GNAT2: variants seen among roughly 807,000 people sequenced by gnomAD.
GNAT2 encodes the protein G protein subunit alpha transducin 2, also known as guanine nucleotide-binding protein G(t) subunit alpha-2.
Under a neutral mutation model 40.9 loss-of-function variants are expected in GNAT2, and 32 were observed. The observed-to-expected ratio is 0.78, with a 90% CI of 0.59 to 1.05. The LOEUF (loss-of-function observed/expected upper bound fraction) is 1.05, where lower values mean the gene tolerates loss of function less well. GNAT2 is among the 50% of genes least tolerant of loss of function. The pLI is 0.00. For synonymous variants in GNAT2, 141 were observed against 157.2 expected (o/e 0.90, Z 0.77); for missense variants, 355 against 431.5 (o/e 0.82, Z 1.57).
intron 4 of GNAT2, 23 bp downstream of exon 4, chr1:109,610,017 A>AC (rs760599285): frequency 9.7e-5 from 157 of 1,612,396 alleles, no homozygotes; most frequent in Non-Finnish European, 1.3e-4. Flanking sequence ...TCCACCCTTA[A>AC]CCACATAATA....
chr1:109,606,447 G>C lies in GNAT2; in HGVS notation c.462-11C>G. The C allele has an allele frequency of 3.1e-6, 5 of 1,612,202 alleles. No individual in the cohort carries two copies. Among genetic ancestry groups the C allele is most frequent in the Non-Finnish European group, 4.2e-6 (5 of 1,178,282 alleles). Reference sequence around the variant, plus strand: ...AATTGGTTCAGGTAGCTAGAGAAAAGTGATTAGCATCAATGACAAATTTTC... The same window carrying C: ...AATTGGTTCAGGTAGCTAGAGAAAACTGATTAGCATCAATGACAAATTTTC... On this transcript the variant is annotated splice_polypyrimidine_tract_variant and intron_variant, in intron 5 of 8. Coordinates refer to ENST00000679935, the MANE Select transcript of GNAT2 (RefSeq NM_001377295.2).
chr1:109,618,313 C>T (rs899883064), intron 1 of GNAT2: 1 of 152,210 alleles, frequency 6.6e-6, no homozygotes, highest in African/African-American at 2.4e-5. Flanking sequence ...TTAAACATTT[C>T]TCCAAGAACA....
chr1:109,604,304 C>T, intron 7 of GNAT2, 200 bp from the exon 8 acceptor site: 1 of 592,618 alleles, frequency 1.7e-6, no homozygotes, highest in Non-Finnish European at 3.0e-6. Flanking sequence ...AGCTGTGTGA[C>T]TTGTGGAAAA....
intron 5 of GNAT2, 153 bp downstream of exon 5, chr1:109,608,478 C>A: frequency 1.3e-6 from 1 of 748,970 alleles, no homozygotes; most frequent in South Asian, 1.4e-5. Flanking sequence ...ATTGCTGAAG[C>A]CTAACAAAAC....
intron 8 of GNAT2, 31 bp downstream of exon 8, chr1:109,603,920 A>T: frequency 1.4e-6 from 2 of 1,481,298 alleles, no homozygotes; most frequent in Non-Finnish European, 1.9e-6. Flanking sequence ...ACTAAAAGGC[A>T]TTATTATTAT....
chr1:109,612,978 G>T, intron 1 of GNAT2, 55 bp from the exon 2 acceptor site: 1 of 801,864 alleles, frequency 1.2e-6, no homozygotes, highest in Non-Finnish European at 2.2e-6. Flanking sequence ...TCCCAACTTG[G>T]CTCCCCTAAA....
At chr1:109,610,609 T>C (rs1649767229) in intron 2 of GNAT2, 102 bp from the exon 3 acceptor site, 3 of 930,722 alleles carry the variant, frequency 3.2e-6, no homozygotes, top group Non-Finnish European at 5.2e-6. Context: ...TTGGGGGTCT[T>C]GTTAGGGGAG....
At chr1:109,606,958 A>C (rs773288543) in intron 5 of GNAT2, 12 of 164,248 alleles carry the variant, frequency 7.3e-5, no homozygotes, top group Non-Finnish European at 1.6e-4. Flanking sequence ...AAAAAGGGTC[A>C]ATATTTTAGA....
At chr1:109,613,956 A>C (rs541166426) in intron 1 of GNAT2, 1 of 152,248 alleles carries the variant, frequency 6.6e-6, no homozygotes, top group Admixed American at 6.5e-5. Flanking sequence ...TCCTGGGGGA[A>C]AAATGAGGGT....
intron 1 of GNAT2, 67 bp from the exon 2 acceptor site, chr1:109,612,990 G>T: frequency 1.3e-6 from 1 of 773,032 alleles, no homozygotes; most frequent in Non-Finnish European, 2.3e-6. Context: ...TCCCCTAAAA[G>T]CTGGTCTGTA....
At chr1:109,612,297 C>A in intron 2 of GNAT2, 1 of 212,840 alleles carries the variant, frequency 4.7e-6, no homozygotes, top group Non-Finnish European at 9.7e-6. Context: ...TGGCAAAAAC[C>A]AGTGGGACTA....
Position 109,608,652 on chromosome 1 carries a change from T to A in GNAT2, c.440A>T (p.Gln147Leu). 1.9e-6 allele frequency: 3 copies of A among 1,614,098 alleles called. No individual in the cohort carries two copies. The highest frequency in any genetic ancestry group is 2.7e-5 in the African/African-American group (2 of 75,046). Residue 147 changes from glutamine to leucine, a missense_variant, in exon 5 of 9, where the codon CAG becomes CTG. Gln to Leu is a moderately radical substitution (Grantham distance 113). Coordinates refer to ENST00000679935, the MANE Select transcript of GNAT2 (RefSeq NM_001377295.2). The stretch of plus-strand genomic sequence containing the variant: ...TTACTAAGATGCGGAGTCATTAAGC[T>A]GGTATTCTGCAGCTCTCTCGAAGCA... The part of the protein sequence containing the change: ...QACFERAAEY[Q>L]LNDSASYYLN...
rs979958186 is a variant in GNAT2, at chr1:109,613,048, A to G, written c.-53-125T>C. 1.0e-5 allele frequency: 7 copies of G among 696,190 alleles called. No homozygotes were observed. In the African/African-American group the frequency reaches 1.1e-4, roughly 10 times the overall value. The allele number at this position is 696,190 out of a possible 1,614,324, so 43.1% of individuals were successfully genotyped here. ...CTGTAGGGTCTTGTACTCTGCCTACATTGACTGAGACTCCCTACTTCAACT... is the reference window on the plus strand; with the variant it reads ...CTGTAGGGTCTTGTACTCTGCCTACGTTGACTGAGACTCCCTACTTCAACT... On this transcript the variant is annotated intron_variant, in intron 1 of 8. Transcript: ENST00000679935.
intron 7 of GNAT2, chr1:109,605,140 T>C (rs1649553603): frequency 6.6e-6 from 1 of 152,372 alleles, no homozygotes; most frequent in Non-Finnish European, 1.5e-5. Flanking sequence ...TGGACCTCCA[T>C]TTGTAAGCAG....
chr1:109,612,464 T>G (rs1649826736), intron 2 of GNAT2: 3 of 412,622 alleles, frequency 7.3e-6, no homozygotes, highest in South Asian at 6.3e-5. Context: ...TGTGTTAGGT[T>G]TGGTTAGATT....
intron 5 of GNAT2, chr1:109,607,943 CAG>C (rs1264904201): frequency 6.2e-6 from 1 of 160,902 alleles, no homozygotes; most frequent in Admixed American, 5.7e-5. Context: ...GATTAGGAGA[CAG>C]ATGGTTAGGT....
intron 6 of GNAT2, 24 bp from the exon 7 acceptor site, chr1:109,606,123 C>T (rs775349840): frequency 1.2e-6 from 2 of 1,613,814 alleles, no homozygotes; most frequent in Non-Finnish European, 1.7e-6. Flanking sequence ...CAGCTATTTT[C>T]ATAGGTATGC....
intron 5 of GNAT2, chr1:109,606,763 G>A: frequency 3.0e-6 from 1 of 337,840 alleles, no homozygotes; most frequent in South Asian, 2.6e-5. Context: ...GTTCCATCAA[G>A]AGGCAGTAAA....
chr1:109,610,399 A>G (rs3738765), intron 3 of GNAT2, 66 bp downstream of exon 3: 55,536 of 1,485,730 alleles, frequency 0.037, 2,324 homozygotes, highest in East Asian at 0.22. Context: ...TTCACTTTGA[A>G]TACCTCCACT....
Sources: allele counts gnomAD v4.1 joint callset, GRCh38; gene constraint gnomAD v4.1.1; transcripts MANE v1.5; gene names NCBI Gene and HGNC (gene_info 2026-07-23, HGNC 2026-07-21).